The following CRABP2 variants were observed in gnomAD, a reference collection of about 807,000 sequenced individuals.
CRABP2 encodes cellular retinoic acid-binding protein 2.
Under a neutral mutation model 17.9 loss-of-function variants are expected in CRABP2, and 20 were observed. That is an observed-to-expected ratio of 1.12 (90% confidence interval 0.79 to 1.63). The LOEUF (loss-of-function observed/expected upper bound fraction) is 1.63. Among genes scored for constraint, CRABP2 ranks in the 40% most tolerant of loss-of-function variants. The pLI is 0.00. For synonymous variants in CRABP2, 76 were observed against 66.4 expected, an observed-to-expected ratio of 1.14 and a Z score of -0.70; for missense variants, 151 against 168.6, an observed-to-expected ratio of 0.90 and a Z score of 0.58.
Position 156,699,953 on chromosome 1 carries a change from C to A in CRABP2, c.*73G>T. ...GCTATCCTAGAAGGAGGGGGTGGGA[C>A]GGAGGGGGCAGTGAAGCAGGGCGGT... On this transcript the variant is annotated 3_prime_UTR_variant, in exon 4 of 4. Coordinates refer to ENST00000368222, the MANE Select transcript of CRABP2 (RefSeq NM_001878.4). 2 of 1,491,042 alleles carry A rather than the reference C, an allele frequency of 1.3e-6. No homozygotes were observed. The highest frequency in any genetic ancestry group is 9.2e-7 in the Non-Finnish European group (1 of 1,089,834). The allele number at this position is 1,491,042 out of a possible 1,614,324, so 92.4% of individuals were successfully genotyped here. A position where few individuals can be genotyped will look rare whatever the true frequency, so the allele number is the denominator to read the frequency against.
chr1:156,702,868 T>A (rs1164227190), intron 1 of CRABP2, among the ~76,000 whole-genome samples: 1 of 144,318 alleles, frequency 6.9e-6, no homozygotes, highest in African/African-American at 2.6e-5. Context: ...CAGGAAACAA[T>A]AGCTATGATT....
chr1:156,699,782 G>T lies in CRABP2; in HGVS notation c.*244C>A. 1 of 530,876 alleles carries T rather than the reference G, an allele frequency of 1.9e-6. No homozygotes were observed. The highest frequency in any genetic ancestry group is 3.4e-6 in the Non-Finnish European group (1 of 293,370). 32.9% of individuals were successfully genotyped at this position (530,876 alleles called of 1,614,324 possible). A position where few individuals can be genotyped will look rare whatever the true frequency, so the allele number is the denominator to read the frequency against. On this transcript the variant is annotated 3_prime_UTR_variant, in exon 4 of 4. Coordinates refer to ENST00000368222, the MANE Select transcript of CRABP2 (RefSeq NM_001878.4). ...GGGCTAGGACTGCTGACTTGGGGAG[G>T]CGGGGAGTGAACCCGGAATGGGTGA...
In CRABP2 at chr1:156,705,262, T is replaced by G; in HGVS notation, c.70+115A>C. 8.6e-7 allele frequency: 1 copy of G among 1,160,630 alleles called. No homozygotes were observed. Among genetic ancestry groups the G allele is most frequent in the Non-Finnish European group, 1.3e-6 (1 of 779,252 alleles). The allele number at this position is 1,160,630 out of a possible 1,614,324, so 71.9% of individuals were successfully genotyped here. On this transcript the variant is annotated intron_variant, in intron 1 of 3. Transcript: ENST00000368222. The surrounding 1 kb of genome is among the most constrained non-coding windows in gnomAD (Gnocchi z 5.2). ...GGACGCCTGGCACGTTTTTCGGGGA[T>G]GCAGGCACCCAGTGTCTCACGCCCT...
At chr1:156,704,369 C>G (rs1014036104) in intron 1 of CRABP2, among the ~76,000 whole-genome samples, 2 of 152,120 alleles carry the variant, frequency 1.3e-5, no homozygotes, top group Non-Finnish European at 2.9e-5. Context: ...CCAACCCAGC[C>G]GAACTACCGT....
intron 1 of CRABP2, among the ~76,000 whole-genome samples, chr1:156,704,523 G>A (rs1330372986): frequency 2.0e-5 from 3 of 152,178 alleles, no homozygotes; most frequent in African/African-American, 7.2e-5. Context: ...CAGATGTCTA[G>A]CCCAGTTGGC....
chr1:156,703,235 A>G (rs1262128093), intron 1 of CRABP2, among the ~76,000 whole-genome samples: 1 of 150,888 alleles, frequency 6.6e-6, no homozygotes, highest in Non-Finnish European at 1.5e-5. Context: ...AGGACCCCCC[A>G]CTCCCCTCAC....
intron 1 of CRABP2, 51 bp from the exon 2 acceptor site, chr1:156,701,103 C>T (rs753891338): frequency 6.3e-7 from 1 of 1,578,244 alleles, no homozygotes; most frequent in Non-Finnish European, 8.6e-7. Context: ...GGGCACCTCT[C>T]TCACACCCTC....
rs1048416171 is a variant in CRABP2, at chr1:156,705,253, T to C, written c.70+124A>G. ...CCGGGACCCGGACGCCTGGCACGTT[T>C]TTCGGGGATGCAGGCACCCAGTGTC... On this transcript the variant is annotated intron_variant, in intron 1 of 3. Transcript: ENST00000368222. The surrounding 1 kb of genome is among the most constrained non-coding windows in gnomAD (Gnocchi z 5.2). 1.8e-6 allele frequency: 2 copies of C among 1,085,720 alleles called. No individual in the cohort carries two copies. The highest frequency in any genetic ancestry group is 3.1e-5 in the African/African-American group (2 of 64,124). The allele number at this position is 1,085,720 out of a possible 1,614,324, so 67.3% of individuals were successfully genotyped here. A position where few individuals can be genotyped will look rare whatever the true frequency, so the allele number is the denominator to read the frequency against.
rs993781763 is a variant in CRABP2, at chr1:156,705,240, C to A, written c.70+137G>T. ...CGTGCCCAGAGCCCCGGGACCCGGA[C>A]GCCTGGCACGTTTTTCGGGGATGCA... On this transcript the variant is annotated intron_variant, in intron 1 of 3. Transcript: ENST00000368222. This position sits in a 1 kb window ranked among gnomAD's most constrained non-coding sequence, Gnocchi z 5.2. 5.7e-5 allele frequency: 53 copies of A among 936,212 alleles called. No homozygotes were observed. The highest frequency in any genetic ancestry group is 2.4e-4 in the Middle Eastern group (1 of 4,156). The allele number at this position is 936,212 out of a possible 1,614,324, so 58.0% of individuals were successfully genotyped here.
At position 156,705,258 on chromosome 1, in the gene CRABP2, G is replaced by C; in HGVS notation, c.70+119C>G. The C allele has an allele frequency of 8.9e-7, 1 of 1,124,492 alleles. No homozygotes were observed. The highest frequency in any genetic ancestry group is 1.3e-5 in the South Asian group (1 of 76,690). The allele number at this position is 1,124,492 out of a possible 1,614,324, so 69.7% of individuals were successfully genotyped here. ...ACCCGGACGCCTGGCACGTTTTTCG[G>C]GGATGCAGGCACCCAGTGTCTCACG... On this transcript the variant is annotated intron_variant, in intron 1 of 3. Transcript: ENST00000368222. The surrounding 1 kb of genome is among the most constrained non-coding windows in gnomAD (Gnocchi z 5.2).
upstream of CRABP2, chr1:156,705,777 A>C: frequency 3.5e-6 from 1 of 282,958 alleles, no homozygotes; most frequent in Non-Finnish European, 6.7e-6. This position sits in a 1 kb window ranked among gnomAD's most constrained non-coding sequence, Gnocchi z 5.2. Flanking sequence ...CTGCGCTAGT[A>C]AGTGGATGGG....
intron 1 of CRABP2, 118 bp from the exon 2 acceptor site, chr1:156,701,170 G>A (rs1373620681): frequency 8.7e-6 from 10 of 1,144,738 alleles, no homozygotes; most frequent in African/African-American, 6.2e-5. Context: ...GGTGTGTTGG[G>A]GGGTGCATCT....
chr1:156,699,784 G>A lies in CRABP2; in HGVS notation c.*242C>T, dbSNP rs1171481154. ...GCTAGGACTGCTGACTTGGGGAGGCGGGGAGTGAACCCGGAATGGGTGATC... is the reference window on the plus strand; with the variant it reads ...GCTAGGACTGCTGACTTGGGGAGGCAGGGAGTGAACCCGGAATGGGTGATC... On this transcript the variant is annotated 3_prime_UTR_variant, in exon 4 of 4. Coordinates refer to ENST00000368222, the MANE Select transcript of CRABP2 (RefSeq NM_001878.4). The A allele has an allele frequency of 1.1e-5, 6 of 530,634 alleles. No individual in the cohort carries two copies. Among genetic ancestry groups the A allele is most frequent in the East Asian group, 3.2e-5 (1 of 31,696 alleles). The allele number at this position is 530,634 out of a possible 1,614,324, so 32.9% of individuals were successfully genotyped here.
In CRABP2 at chr1:156,705,068, G is replaced by A. The variant is rs959800450; in HGVS notation, c.70+309C>T. Among the ~76,000 whole-genome samples, 3 of 152,204 alleles carry A rather than the reference G, an allele frequency of 2.0e-5. No homozygotes were observed. The highest frequency in any genetic ancestry group is 4.4e-5 in the Non-Finnish European group (3 of 68,036). On this transcript the variant is annotated intron_variant, in intron 1 of 3. Transcript: ENST00000368222. This position sits in a 1 kb window ranked among gnomAD's most constrained non-coding sequence, Gnocchi z 5.2. ...TGAACTGCAGAGAGCCAGGTGCCTCGGCCCGCCGAGTCCGGCCGCTGAGGC... is the reference window on the plus strand; with the variant it reads ...TGAACTGCAGAGAGCCAGGTGCCTCAGCCCGCCGAGTCCGGCCGCTGAGGC...
In CRABP2 at chr1:156,701,483, G is replaced by T. The variant is rs140014713; in HGVS notation, c.71-431C>A. 3.3e-5 allele frequency among the ~76,000 whole-genome samples: 5 copies of T among 152,242 alleles called. No homozygotes were observed. In the East Asian group the frequency reaches 9.7e-4, roughly 29 times the overall value. On this transcript the variant is annotated intron_variant, in intron 1 of 3. Transcript: ENST00000368222. The stretch of plus-strand genomic sequence containing the variant: ...CTTTTGGCCTTTTGTCTACCCTGTT[G>T]ACAGCTCATCAGAGTCACTGGGACT...
intron 1 of CRABP2, among the ~76,000 whole-genome samples, chr1:156,704,981 G>A (rs955967354): frequency 1.3e-5 from 2 of 152,200 alleles, no homozygotes; most frequent in Admixed American, 1.3e-4. Context: ...CGGCTGGGCA[G>A]GGTAGGGAAC....
rs142297250 is a variant in CRABP2 at position 156,701,169 on chromosome 1, G to C, written c.71-117C>G. On this transcript the variant is annotated intron_variant, in intron 1 of 3. Transcript: ENST00000368222. ...TGACTTGCTTGGGGTGGGTGTGTTG[G>C]GGGGTGCATCTGCCTGGTGCCTGGG... 4.2e-3 allele frequency: 5,000 copies of C among 1,179,762 alleles called. 151 individuals carry two copies. The African/African-American group carries it at 0.065, about 15-fold the overall frequency. 73.1% of individuals were successfully genotyped at this position (1,179,762 alleles called of 1,614,324 possible).
chr1:156,702,951 C>T (rs774888802), intron 1 of CRABP2, among the ~76,000 whole-genome samples: 2 of 148,490 alleles, frequency 1.3e-5, no homozygotes, highest in Admixed American at 6.8e-5. Context: ...AATCCCAGCA[C>T]TTTGGGAGGC....
chr1:156,703,031 TAAAAAAAA>T (rs5778001), intron 1 of CRABP2, among the ~76,000 whole-genome samples: 19 of 86,206 alleles, frequency 2.2e-4, no homozygotes, highest in African/African-American at 8.2e-4. Context: ...ACCCTACCAC[TAAAAAAAA>T]AAAAAAAAAA....
Sources: gnomAD v4.1 joint callset for allele counts (sites outside exome capture counted in the v4.1 genomes callset) on GRCh38, gnomAD v4.1.1 for gene constraint, Gnocchi (gnomAD v3.1) non-coding constraint, MANE v1.5 for transcripts, NCBI Gene and HGNC (gene_info 2026-07-23, HGNC 2026-07-21) for gene names.